The following DLGAP2 variants were observed in gnomAD, a reference collection of about 807,000 sequenced individuals.
DLGAP2 encodes DLG associated protein 2.
DLGAP2 carries 26 observed loss-of-function variants against 100.3 expected under a neutral mutation model. That is an observed-to-expected ratio of 0.26 (90% CI 0.19 to 0.36). The LOEUF (loss-of-function observed/expected upper bound fraction) is 0.36. Among genes scored for constraint, DLGAP2 ranks in the 10% least tolerant of loss-of-function variants. The probability of loss-of-function intolerance (pLI) is 1.00; values close to 1 mark genes in which losing one functional copy is unlikely to be tolerated. For missense variants in DLGAP2, 1,858 were observed against 1,453.2 expected (o/e 1.28, Z -4.53); for synonymous variants, 886 against 630.1 (o/e 1.41, Z -6.08).
rs76265897 is a variant in DLGAP2, at chr8:1,321,585, T to G, written c.106+62702T>G. 1.2e-3 allele frequency among the ~76,000 whole-genome samples: 179 copies of G among 152,338 alleles called. 1 individual carries two copies. Among genetic ancestry groups the G allele is most frequent in the African/African-American group, 3.3e-3 (136 of 41,580 alleles). Reference sequence around the variant, plus strand: ...ACTTTCCTCCACAGCTCACAGGAATTCAGCGGATAATTGCTTTTACATCAG... The same window carrying G: ...ACTTTCCTCCACAGCTCACAGGAATGCAGCGGATAATTGCTTTTACATCAG... On this transcript the variant is annotated intron_variant, in intron 3 of 14. Coordinates refer to ENST00000637795, the MANE Select transcript of DLGAP2 (RefSeq NM_001346810.2).
chr8:1,627,270 G>A (rs551042264), intron 7 of DLGAP2, among the ~76,000 whole-genome samples: 1 of 152,310 alleles, frequency 6.6e-6, no homozygotes, highest in East Asian at 1.9e-4. Flanking sequence ...TCTGAATTGT[G>A]CCTCAGAAAG....
chr8:988,514 G>A (rs919525705), intron 2 of DLGAP2, among the ~76,000 whole-genome samples: 2 of 152,188 alleles, frequency 1.3e-5, no homozygotes, highest in African/African-American at 4.8e-5. Context: ...GCAACAACAG[G>A]CCTTGAAGAA....
At position 1,264,323 on chromosome 8, in the gene DLGAP2, G is replaced by C. The variant is rs1322699629; in HGVS notation, c.106+5440G>C. Among the ~76,000 whole-genome samples the C allele has an allele frequency of 8.5e-5, 13 of 152,184 alleles. No individual in the cohort carries two copies. In the South Asian group the frequency reaches 2.1e-3, roughly 24 times the overall value. On this transcript the variant is annotated intron_variant, in intron 3 of 14. Transcript: ENST00000637795. Reference sequence around the variant, plus strand: ...GGTCTGTGCCCTGTCAGGTAGGGGTGGTGGAAACACTGTAATTGAGCCCCT... The same window carrying C: ...GGTCTGTGCCCTGTCAGGTAGGGGTCGTGGAAACACTGTAATTGAGCCCCT...
intron 8 of DLGAP2, among the ~76,000 whole-genome samples, chr8:1,655,145 C>T (rs1798255344): frequency 6.6e-6 from 1 of 152,184 alleles, no homozygotes; most frequent in Admixed American, 6.5e-5. Flanking sequence ...ACTTGTGGGA[C>T]CCACATAATT....
At chr8:912,317 G>T (rs1163570785) in intron 2 of DLGAP2, among the ~76,000 whole-genome samples, 4 of 152,200 alleles carry the variant, frequency 2.6e-5, no homozygotes, top group Admixed American at 6.5e-5. Context: ...TAAAAGTTGG[G>T]TGGAAAGGTT....
chr8:1,040,009 C>T (rs1230578784), intron 2 of DLGAP2, among the ~76,000 whole-genome samples: 32 of 134,856 alleles, frequency 2.4e-4, no homozygotes, highest in Non-Finnish European at 3.3e-4. Context: ...TTTCCGTGGT[C>T]AGCTCGGTTT....
intron 6 of DLGAP2, among the ~76,000 whole-genome samples, chr8:1,617,991 A>C (rs529352503): frequency 6.6e-6 from 1 of 152,336 alleles, no homozygotes; most frequent in Non-Finnish European, 1.5e-5. Flanking sequence ...CCCTGGGGAA[A>C]AAATGTCAAC....
At chr8:1,233,107 C>T (rs1371182086) in intron 2 of DLGAP2, among the ~76,000 whole-genome samples, 4 of 152,200 alleles carry the variant, frequency 2.6e-5, no homozygotes, top group African/African-American at 7.2e-5. Flanking sequence ...GCAGTGCCAG[C>T]GCCTAATAGA....
At position 1,528,726 on chromosome 8, in the gene DLGAP2, G is replaced by A. The variant is rs537987336; in HGVS notation, c.173-19900G>A. Among the ~76,000 whole-genome samples the A allele has an allele frequency of 1.0e-3, 155 of 152,320 alleles. 1 individual carries two copies. Among genetic ancestry groups the A allele is most frequent in the African/African-American group, 3.5e-3 (146 of 41,568 alleles). ...GACCGAGCTGAAACAGGCCCTGGCA[G>A]TAAGGAGCCTGGCCTTCCTGTTTGG... On this transcript the variant is annotated intron_variant, in intron 4 of 14. Coordinates refer to ENST00000637795, the MANE Select transcript of DLGAP2 (RefSeq NM_001346810.2).
At chr8:1,109,988 G>T (rs1245002731) in intron 2 of DLGAP2, among the ~76,000 whole-genome samples, 2 of 116,418 alleles carry the variant, frequency 1.7e-5, no homozygotes, top group East Asian at 5.8e-4. Flanking sequence ...GGTCTGTGAG[G>T]TGTGCATGGG....
intron 7 of DLGAP2, among the ~76,000 whole-genome samples, chr8:1,627,242 T>C (rs1057285271): frequency 6.6e-6 from 1 of 152,218 alleles, no homozygotes; most frequent in African/African-American, 2.4e-5. Flanking sequence ...TCTGGCAGCA[T>C]GGCTCTCAGC....
intron 3 of DLGAP2, among the ~76,000 whole-genome samples, chr8:1,464,057 G>T (rs1798536256): frequency 6.6e-6 from 1 of 152,238 alleles, no homozygotes; most frequent in Non-Finnish European, 1.5e-5. Flanking sequence ...TTCACTGAAT[G>T]TCGCAACAGC....
At chr8:771,737 T>G (rs1414226723) in intron 1 of DLGAP2, among the ~76,000 whole-genome samples, 1 of 152,222 alleles carries the variant, frequency 6.6e-6, no homozygotes, top group Non-Finnish European at 1.5e-5. Flanking sequence ...AGAAGCTCCT[T>G]TATTTTAAAA....
At position 1,000,805 on chromosome 8, in the gene DLGAP2, G is replaced by A. The variant is rs1231746775; in HGVS notation, c.73+92839G>A. ...TGGAGGTGGCTCCTCAAGACTCCAA[G>A]CAGCCTCTGTGGATGGCCTGCTTCT... On this transcript the variant is annotated intron_variant, in intron 2 of 14. Coordinates refer to ENST00000637795, the MANE Select transcript of DLGAP2 (RefSeq NM_001346810.2). 2.0e-5 allele frequency among the ~76,000 whole-genome samples: 3 copies of A among 152,162 alleles called. No homozygotes were observed. The East Asian group carries it at 5.8e-4, about 29-fold the overall frequency.
intron 2 of DLGAP2, among the ~76,000 whole-genome samples, chr8:1,169,859 T>C (rs577161857): frequency 2.0e-5 from 3 of 151,982 alleles, no homozygotes; most frequent in East Asian, 3.9e-4. Flanking sequence ...CTTTTCCTAA[T>C]TGAATAACCT....
intron 2 of DLGAP2, among the ~76,000 whole-genome samples, chr8:1,113,620 A>G (rs1805027509): frequency 6.6e-6 from 1 of 152,114 alleles, no homozygotes; most frequent in Non-Finnish European, 1.5e-5. Context: ...GGTTTTCTAG[A>G]TATAGAATCT....
chr8:1,361,361 T>A (rs546389431), intron 3 of DLGAP2, among the ~76,000 whole-genome samples: 1 of 152,376 alleles, frequency 6.6e-6, no homozygotes, highest in Non-Finnish European at 1.5e-5. Flanking sequence ...ATGCTATTTA[T>A]AGGACTTGGA....
At chr8:1,028,234 A>T (rs1801870670) in intron 2 of DLGAP2, among the ~76,000 whole-genome samples, 1 of 141,756 alleles carries the variant, frequency 7.1e-6, no homozygotes, top group African/African-American at 2.7e-5. Flanking sequence ...GGCGCCCGTT[A>T]TTCTCCAGGT....
chr8:1,102,753 T>G (rs1234167937), intron 2 of DLGAP2, among the ~76,000 whole-genome samples: 1 of 151,962 alleles, frequency 6.6e-6, no homozygotes, highest in African/African-American at 2.4e-5. Context: ...GTCCTCACAG[T>G]TGAGAGGTGG....
Sources: allele counts gnomAD v4.1 joint callset (sites outside exome capture counted in the v4.1 genomes callset), GRCh38; gene constraint gnomAD v4.1.1; transcripts MANE v1.5; gene names NCBI Gene and HGNC (gene_info 2026-07-23, HGNC 2026-07-21).